The following MPDZ variants were observed in gnomAD, a reference collection of about 807,000 sequenced individuals.
MPDZ encodes the protein multiple PDZ domain crumbs cell polarity complex component, also known as multiple PDZ domain protein.
In MPDZ, 234 loss-of-function variants were observed where a neutral mutation model predicts 239.1. The observed-to-expected ratio is 0.98, with a 90% CI of 0.88 to 1.09. The LOEUF (loss-of-function observed/expected upper bound fraction) is 1.09. Ranked by LOEUF, MPDZ falls within the 50% of genes least tolerant of loss-of-function variation. The probability of loss-of-function intolerance (pLI) is 0.00; values close to 1 mark genes in which losing one functional copy is unlikely to be tolerated. For synonymous variants in MPDZ, 1,048 were observed against 881.3 expected (o/e 1.19, Z -3.35); for missense variants, 3,175 against 2,510.0 (o/e 1.26, Z -5.66).
rs1329306529 is a variant in MPDZ, at chr9:13,188,793, C to T, written c.2355G>A (p.Lys785=). The T allele has an allele frequency of 1.2e-6, 2 of 1,612,840 alleles. No individual in the cohort carries two copies. Among genetic ancestry groups the T allele is most frequent in the Non-Finnish European group, 1.7e-6 (2 of 1,179,224 alleles). ...PSGTVRIGVA[K]PLPLSPEEGY... ...AAGTCTGAATTCTTACGGGTAAAGGCTTAGCAACTCCTATTCTCACAGTCC... is the reference window on the plus strand; with the variant it reads ...AAGTCTGAATTCTTACGGGTAAAGGTTTAGCAACTCCTATTCTCACAGTCC... The change falls in exon 17 of 47, where the codon AAG becomes AAA. Residue 785 remains lysine, a synonymous_variant. Transcript: ENST00000319217.
chr9:13,138,641 G>A (rs1947198341), intron 28 of MPDZ, among the ~76,000 whole-genome samples: 2 of 152,164 alleles, frequency 1.3e-5, no homozygotes, highest in South Asian at 2.1e-4. Flanking sequence ...ATTGCACAGA[G>A]CTATTAGGCC....
chr9:13,209,299 C>T (rs527964204), intron 10 of MPDZ, among the ~76,000 whole-genome samples: 42 of 152,252 alleles, frequency 2.8e-4, no homozygotes, highest in African/African-American at 9.6e-4. Flanking sequence ...CAAGCACACA[C>T]ACAACTCCAA....
intron 35 of MPDZ, 146 bp downstream of exon 35, chr9:13,125,068 CTT>C: frequency 1.7e-6 from 1 of 603,238 alleles, no homozygotes; most frequent in Non-Finnish European, 2.7e-6. Context: ...GAAGTCCTCT[CTT>C]TATATCCTGC....
chr9:13,152,540 T>A (rs538091680), intron 24 of MPDZ, among the ~76,000 whole-genome samples: 1 of 152,234 alleles, frequency 6.6e-6, no homozygotes, highest in Non-Finnish European at 1.5e-5. Flanking sequence ...CCACCATGAT[T>A]GTGAGGCCTC....
chr9:13,217,089 T>A, intron 9 of MPDZ, 91 bp downstream of exon 9: 1 of 982,786 alleles, frequency 1.0e-6, no homozygotes, highest in South Asian at 1.6e-5. Context: ...TCCAACAACC[T>A]GAAACATGTA....
At chr9:13,115,099 T>TG (rs1294946023) in intron 40 of MPDZ, 149 bp downstream of exon 40, 9 of 610,198 alleles carry the variant, frequency 1.5e-5, no homozygotes, top group Non-Finnish European at 2.6e-5. Flanking sequence ...TCTGATTCCT[T>TG]GTTCTTCTCT....
intron 34 of MPDZ, 63 bp downstream of exon 34, chr9:13,126,453 A>G: frequency 1.7e-6 from 2 of 1,151,212 alleles, no homozygotes; most frequent in Middle Eastern, 2.1e-4. Flanking sequence ...TCGCAGACAC[A>G]AACACTTTAA....
Position 13,106,940 on chromosome 9 carries a change from G to C in MPDZ, c.*25C>G, listed in dbSNP as rs1941548781. ...ACAGTAGGAGGTGAGCTAGGGGTTG[G>C]GTTGGTTCAATTCTGGCAGCCAATT... On this transcript the variant is annotated 3_prime_UTR_variant, in exon 47 of 47. Transcript: ENST00000319217. 2.5e-6 allele frequency: 4 copies of C among 1,612,180 alleles called. No individual in the cohort carries two copies. Among genetic ancestry groups the C allele is most frequent in the Admixed American group, 1.7e-5 (1 of 59,994 alleles).
In MPDZ at chr9:13,124,771, GATAATTGC is replaced by G. The variant is rs752778932; in HGVS notation, c.4807+437_4807+444del. ...AGTACTGATCCCACCTATGAAATAG[GATAATTGC>G]ATATCCATTCTACAGAAAAGAAAGC... On this transcript the variant is annotated intron_variant, in intron 35 of 46. Transcript: ENST00000319217. 9.6e-4 allele frequency among the ~76,000 whole-genome samples: 146 copies of G among 152,190 alleles called. 1 individual carries two copies. The Middle Eastern group carries it at 0.01, about 11-fold the overall frequency.
intron 3 of MPDZ, among the ~76,000 whole-genome samples, chr9:13,246,700 C>T (rs968880761): frequency 1.3e-5 from 2 of 152,040 alleles, no homozygotes; most frequent in Admixed American, 6.6e-5. Context: ...ATTAGCCACA[C>T]TTTGGGTTTT....
At chr9:13,246,057 C>CTA (rs35519422) in intron 3 of MPDZ, among the ~76,000 whole-genome samples, 1 of 240 alleles carries the variant, frequency 4.2e-3, no homozygotes, top group Admixed American at 0.062. Flanking sequence ...CTTCTTTACA[C>CTA]TCTGAAAAAG....
chr9:13,122,426 A>T (rs529675055), intron 36 of MPDZ, among the ~76,000 whole-genome samples: 1 of 152,364 alleles, frequency 6.6e-6, no homozygotes, highest in East Asian at 1.9e-4. Flanking sequence ...ATGCATACAT[A>T]GATGAGAGAT....
chr9:13,147,372 G>A (rs992235910), intron 26 of MPDZ, among the ~76,000 whole-genome samples, 176 bp downstream of exon 26: 3 of 151,950 alleles, frequency 2.0e-5, no homozygotes, highest in Non-Finnish European at 4.4e-5. Flanking sequence ...TAAACATGGT[G>A]GAAGGGATTT....
At chr9:13,130,741 G>A (rs879016370) in intron 32 of MPDZ, among the ~76,000 whole-genome samples, 1 of 152,210 alleles carries the variant, frequency 6.6e-6, no homozygotes, top group Admixed American at 6.5e-5. Context: ...AAAGAAATCA[G>A]AAAGACCAAG....
intron 21 of MPDZ, among the ~76,000 whole-genome samples, chr9:13,171,867 G>T (rs1002177522): frequency 6.6e-6 from 1 of 151,996 alleles, no homozygotes; most frequent in Non-Finnish European, 1.5e-5. Flanking sequence ...CTGATTAAGG[G>T]GAGACTATGA....
chr9:13,149,155 G>C (rs1054684532), intron 25 of MPDZ, among the ~76,000 whole-genome samples: 1 of 151,500 alleles, frequency 6.6e-6, no homozygotes, highest in Non-Finnish European at 1.5e-5. Context: ...ATGCAGGAGA[G>C]AGAAAAAGCC....
At chr9:13,253,193 A>T (rs1471190497) in intron 1 of MPDZ, among the ~76,000 whole-genome samples, 1 of 142,132 alleles carries the variant, frequency 7.0e-6, no homozygotes, top group Non-Finnish European at 1.5e-5. Context: ...AAACAGAATT[A>T]CTTTTTCTTC....
At chr9:13,235,704 T>C (rs1013174325) in intron 3 of MPDZ, among the ~76,000 whole-genome samples, 15 of 152,196 alleles carry the variant, frequency 9.9e-5, no homozygotes, top group Non-Finnish European at 2.1e-4. Context: ...AGAATGCTGA[T>C]GGAGTCATTT....
intron 1 of MPDZ, among the ~76,000 whole-genome samples, chr9:13,268,133 A>C (rs1473768320): frequency 6.7e-6 from 1 of 150,076 alleles, no homozygotes; most frequent in Non-Finnish European, 1.5e-5. Flanking sequence ...ATTTTAAAAA[A>C]TGAACAGCAA....
Sources: allele counts gnomAD v4.1 joint callset (sites outside exome capture counted in the v4.1 genomes callset), GRCh38; gene constraint gnomAD v4.1.1; transcripts MANE v1.5; gene names NCBI Gene and HGNC (gene_info 2026-07-23, HGNC 2026-07-21).